Variants in MEF2C observed in about 807,000 individuals in gnomAD.
The protein encoded by MEF2C is myocyte-specific enhancer factor 2C.
A neutral mutation model predicts 50.5 loss-of-function variants in MEF2C; 6 were observed. The observed-to-expected ratio is 0.12, with a 90% CI of 0.07 to 0.23. MEF2C has a LOEUF of 0.23. Ranked by LOEUF, MEF2C falls within the 10% of genes least tolerant of loss-of-function variation. The pLI is 1.00. For missense variants in MEF2C, 276 were observed against 605.0 expected, an observed-to-expected ratio of 0.46 and a Z score of 5.70; for synonymous variants, 183 against 228.0, an observed-to-expected ratio of 0.80 and a Z score of 1.78.
intron 1 of MEF2C, among the ~76,000 whole-genome samples, chr5:88,863,078 G>T (rs570724654): frequency 8.5e-5 from 13 of 152,314 alleles, no homozygotes; most frequent in Non-Finnish European, 1.6e-4. Flanking sequence ...GTACTGCCAG[G>T]ATTTGACTCA....
intron 3 of MEF2C, among the ~76,000 whole-genome samples, chr5:88,784,202 A>G (rs1288543155): frequency 6.6e-6 from 1 of 152,192 alleles, no homozygotes; most frequent in Non-Finnish European, 1.5e-5. Context: ...AGCTGCTTGC[A>G]TTATTTTGGC....
At chr5:88,768,212 G>C (rs770034047) in intron 3 of MEF2C, among the ~76,000 whole-genome samples, 2 of 152,132 alleles carry the variant, frequency 1.3e-5, no homozygotes, top group Non-Finnish European at 2.9e-5. Context: ...GCTAGATTGA[G>C]AGGTCCTTAA....
intron 3 of MEF2C, among the ~76,000 whole-genome samples, chr5:88,765,869 A>C (rs543093997): frequency 1.3e-5 from 2 of 152,356 alleles, no homozygotes; most frequent in East Asian, 3.9e-4. Context: ...AACTCAAGTA[A>C]ATCTTGAGCA....
chr5:88,895,486 A>G (rs940950855), intron 1 of MEF2C, among the ~76,000 whole-genome samples: 2 of 152,146 alleles, frequency 1.3e-5, no homozygotes, highest in African/African-American at 4.8e-5. Flanking sequence ...TAAATTGTTT[A>G]TTCATTATAT....
At chr5:88,785,822 A>G (rs1790579139) in intron 3 of MEF2C, among the ~76,000 whole-genome samples, 1 of 152,144 alleles carries the variant, frequency 6.6e-6, no homozygotes, top group Non-Finnish European at 1.5e-5. Flanking sequence ...CTTTCAGAAA[A>G]TGTTTACAAC....
chr5:88,869,304 T>TATAC (rs1828737121), intron 1 of MEF2C, among the ~76,000 whole-genome samples: 1 of 116,566 alleles, frequency 8.6e-6, no homozygotes, highest in African/African-American at 3.4e-5. Context: ...TACACATATA[T>TATAC]ATATATATAT....
intron 3 of MEF2C, among the ~76,000 whole-genome samples, chr5:88,783,870 G>A (rs1789477293): frequency 6.6e-6 from 1 of 152,102 alleles, no homozygotes; most frequent in Non-Finnish European, 1.5e-5. Context: ...TTCCAAACTT[G>A]TATTTCTCCT....
chr5:88,732,274 C>T (rs1269927680), intron 6 of MEF2C, among the ~76,000 whole-genome samples: 2 of 152,162 alleles, frequency 1.3e-5, no homozygotes, highest in South Asian at 2.1e-4. Context: ...TGGCGTGACT[C>T]ACTCTTTCAG....
rs1016703793 is a variant in MEF2C, at chr5:88,741,997, T to G, written c.637+7073A>C. On this transcript the variant is annotated intron_variant, in intron 6 of 10. Transcript: ENST00000504921. ...TATGATACTGTATCATGACTAAATATTCTTTGGATTGAAATTCAACTGAAA... is the reference window on the plus strand; with the variant it reads ...TATGATACTGTATCATGACTAAATAGTCTTTGGATTGAAATTCAACTGAAA... 4.1e-6 allele frequency: 4 copies of G among 985,166 alleles called. No homozygotes were observed. In the African/African-American group the frequency reaches 7.0e-5, roughly 17 times the overall value. 61.0% of individuals were successfully genotyped at this position (985,166 alleles called of 1,614,324 possible). A position where few individuals can be genotyped will look rare whatever the true frequency, so the allele number is the denominator to read the frequency against.
upstream of MEF2C, chr5:88,883,617 T>C (rs1833625215): frequency 1.3e-5 from 2 of 152,260 alleles, no homozygotes; most frequent in Non-Finnish European, 2.9e-5. Context: ...GTCTTTTGCC[T>C]CCTTTTTTCC....
chr5:88,768,500 A>C (rs1210257588), intron 3 of MEF2C: 3 of 165,982 alleles, frequency 1.8e-5, no homozygotes, highest in Non-Finnish European at 3.7e-5. Flanking sequence ...TGGACATTTG[A>C]TAAAGATGAT....
chr5:88,794,726 G>A (rs1015740836), intron 3 of MEF2C, among the ~76,000 whole-genome samples: 1 of 152,040 alleles, frequency 6.6e-6, no homozygotes, highest in Non-Finnish European at 1.5e-5. Context: ...CATGCCTATG[G>A]CCTGAATGGT....
chr5:88,849,768 T>C (rs1820616747), intron 1 of MEF2C, among the ~76,000 whole-genome samples: 1 of 152,116 alleles, frequency 6.6e-6, no homozygotes. Flanking sequence ...ACTCCAATAC[T>C]TTTTTAAAAA....
chr5:88,731,686 C>G, intron 7 of MEF2C, 43 bp downstream of exon 7: 2 of 1,551,226 alleles, frequency 1.3e-6, no homozygotes, highest in South Asian at 2.3e-5. Context: ...AAAACATATA[C>G]AAAACATTAT....
intron 1 of MEF2C, among the ~76,000 whole-genome samples, chr5:88,837,751 T>G (rs1815750788): frequency 6.6e-6 from 1 of 152,184 alleles, no homozygotes; most frequent in Non-Finnish European, 1.5e-5. Flanking sequence ...CTTCCATATT[T>G]TAAAATATTG....
chr5:88,821,617 G>C (rs1808401971), intron 2 of MEF2C, among the ~76,000 whole-genome samples: 1 of 151,752 alleles, frequency 6.6e-6, no homozygotes, highest in African/African-American at 2.4e-5. Flanking sequence ...ACTAACTGGA[G>C]GACATTATGT....
chr5:88,757,474 T>C (rs1180231075), intron 4 of MEF2C, among the ~76,000 whole-genome samples: 1 of 152,110 alleles, frequency 6.6e-6, no homozygotes, highest in African/African-American at 2.4e-5. Context: ...GTTATCTAAA[T>C]TCCCTCAAGG....
intron 3 of MEF2C, among the ~76,000 whole-genome samples, chr5:88,802,148 T>C (rs1054032353): frequency 6.6e-6 from 1 of 152,372 alleles, no homozygotes; most frequent in Middle Eastern, 3.4e-3. Context: ...TCTATTGATG[T>C]TAACAAGAAA....
chr5:88,749,300 C>T (rs1219458511), intron 5 of MEF2C, 183 bp from the exon 6 acceptor site: 3 of 964,966 alleles, frequency 3.1e-6, no homozygotes, highest in Non-Finnish European at 3.7e-6. Context: ...GTTAAAAATA[C>T]ATTCAATCAC....
Sources: allele counts gnomAD v4.1 joint callset (sites outside exome capture counted in the v4.1 genomes callset), GRCh38; gene constraint gnomAD v4.1.1; transcripts MANE v1.5; gene names NCBI Gene and HGNC (gene_info 2026-07-23, HGNC 2026-07-21).